The following FRYL variants were observed in gnomAD, a reference collection of about 807,000 sequenced individuals.
FRYL encodes the protein FRY like transcription coactivator, also known as protein furry homolog-like.
Under a neutral mutation model 351.2 loss-of-function variants are expected in FRYL, and 150 were observed. That is an observed-to-expected ratio of 0.43 (90% CI 0.37 to 0.49). The LOEUF is 0.49. Ranked by LOEUF, FRYL falls within the 20% of genes least tolerant of loss-of-function variation. FRYL has a pLI of 0.00. For synonymous variants in FRYL, 1,153 were observed against 1,257.1 expected, an observed-to-expected ratio of 0.92 and a Z score of 1.75; for missense variants, 3,036 against 3,619.3, an observed-to-expected ratio of 0.84 and a Z score of 4.13.
intron 3 of FRYL, among the ~76,000 whole-genome samples, chr4:48,643,948 ATTTT>A (rs879512102): frequency 6.8e-6 from 1 of 147,726 alleles, no homozygotes; most frequent in Non-Finnish European, 1.5e-5. Flanking sequence ...TCCAACTAAA[ATTTT>A]TTTTTTTTGA....
intron 1 of FRYL, among the ~76,000 whole-genome samples, chr4:48,736,057 A>C (rs951413509): frequency 4.6e-5 from 7 of 152,028 alleles, no homozygotes; most frequent in African/African-American, 1.2e-4. Context: ...AATCAATAAC[A>C]GAGAGACAGG....
intron 1 of FRYL, among the ~76,000 whole-genome samples, chr4:48,772,497 A>G (rs1775613770): frequency 6.6e-6 from 1 of 152,198 alleles, no homozygotes; most frequent in African/African-American, 2.4e-5. Flanking sequence ...GTTACACAGG[A>G]ATGTACATTT....
chr4:48,651,725 A>G (rs1055462633), intron 3 of FRYL, among the ~76,000 whole-genome samples: 1 of 152,220 alleles, frequency 6.6e-6, no homozygotes, highest in Admixed American at 6.5e-5. Flanking sequence ...CTAGGAAGAA[A>G]GAGCTAACTA....
chr4:48,696,878 ATCT>A (rs1470639837), intron 2 of FRYL, among the ~76,000 whole-genome samples: 7 of 150,148 alleles, frequency 4.7e-5, no homozygotes, highest in Non-Finnish European at 8.8e-5. Context: ...CTATCTATCT[ATCT>A]ATCTATCTAT....
At chr4:48,779,298 G>C (rs1418829743) in intron 1 of FRYL, among the ~76,000 whole-genome samples, 3 of 152,204 alleles carry the variant, frequency 2.0e-5, no homozygotes, top group Non-Finnish European at 4.4e-5. Context: ...GCTGAGAGCA[G>C]CAGGCAATCT....
chr4:48,605,084 G>A (rs1158930726), intron 11 of FRYL, among the ~76,000 whole-genome samples: 7 of 152,112 alleles, frequency 4.6e-5, no homozygotes, highest in Admixed American at 3.9e-4. Context: ...TTTATAAAAT[G>A]AGCCCAATTC....
chr4:48,533,250 T>C (rs748091343), intron 49 of FRYL, among the ~76,000 whole-genome samples: 4 of 152,040 alleles, frequency 2.6e-5, no homozygotes, highest in Non-Finnish European at 4.4e-5. Context: ...ATGTGAAATA[T>C]AGCAAATATT....
At chr4:48,537,647 A>G (rs1729188319) in intron 47 of FRYL, among the ~76,000 whole-genome samples, 1 of 152,224 alleles carries the variant, frequency 6.6e-6, no homozygotes, top group Non-Finnish European at 1.5e-5. Flanking sequence ...GTCCAACAGG[A>G]AGAAAACAGA....
intron 3 of FRYL, among the ~76,000 whole-genome samples, chr4:48,679,769 C>G (rs1764331185): frequency 6.6e-6 from 1 of 151,934 alleles, no homozygotes; most frequent in Non-Finnish European, 1.5e-5. Flanking sequence ...CTGTAAGTAT[C>G]AAAACATCGC....
At chr4:48,744,459 C>T (rs1772446765) in intron 1 of FRYL, among the ~76,000 whole-genome samples, 1 of 152,152 alleles carries the variant, frequency 6.6e-6, no homozygotes, top group Admixed American at 6.5e-5. Context: ...TTTACTCTTT[C>T]AAAGTCACTG....
chr4:48,606,441 C>T lies in FRYL; in HGVS notation c.738G>A (p.Met246Ile), dbSNP rs1049088253. The T allele has an allele frequency of 4.4e-6, 7 of 1,604,886 alleles. No homozygotes were observed. Among genetic ancestry groups the T allele is most frequent in the Non-Finnish European group, 6.0e-6 (7 of 1,173,116 alleles). Reference protein sequence around the residue: ...VEDFEASFQFMQECAQYFLEV... With the variant: ...VEDFEASFQFIQECAQYFLEV... Reference sequence around the variant, plus strand: ...TGTCATTTAGAAGGTATATCACCTGCATAAATTGAAATGATGCTTCAAAAT... The same window carrying T: ...TGTCATTTAGAAGGTATATCACCTGTATAAATTGAAATGATGCTTCAAAAT... The change falls in exon 10 of 64, where the codon ATG (methionine) becomes ATA (isoleucine). Residue 246 changes from methionine to isoleucine, a missense_variant. Physicochemically the swap from Met to Ile is conservative, Grantham distance 10. Transcript: ENST00000358350.
intron 3 of FRYL, among the ~76,000 whole-genome samples, chr4:48,650,262 C>T (rs1443881357): frequency 6.6e-6 from 1 of 152,150 alleles, no homozygotes; most frequent in Non-Finnish European, 1.5e-5. Context: ...CTACCTTCTT[C>T]TCTATTATAA....
intron 2 of FRYL, among the ~76,000 whole-genome samples, chr4:48,696,817 C>T (rs1429100382): frequency 2.0e-5 from 3 of 150,618 alleles, no homozygotes; most frequent in Non-Finnish European, 3.0e-5. Context: ...AAACATAAGC[C>T]CAGTATAAAA....
At chr4:48,531,409 C>G (rs1560547616) in intron 49 of FRYL, 56 bp from the exon 50 acceptor site, 2 of 1,019,864 alleles carry the variant, frequency 2.0e-6, no homozygotes, top group Non-Finnish European at 3.1e-6. Context: ...CAACTAAGAA[C>G]AACAATTTAC....
At position 48,620,634 on chromosome 4, in the gene FRYL, C is replaced by T. The variant is rs373521667; in HGVS notation, c.314+5G>A. The T allele has an allele frequency of 3.1e-6, 5 of 1,609,984 alleles. No homozygotes were observed. The highest frequency in any genetic ancestry group is 4.2e-6 in the Non-Finnish European group (5 of 1,177,244). On this transcript the variant is annotated splice_donor_5th_base_variant and intron_variant, in intron 6 of 63. Coordinates refer to ENST00000358350, the MANE Select transcript of FRYL (RefSeq NM_015030.2). ...AGGTGAAACAGTGTAAAATAAAGCA[C>T]TTACCCCTTAGACTTTGTGCTAGAC...
intron 23 of FRYL, among the ~76,000 whole-genome samples, chr4:48,576,806 AAAC>A (rs1402819904): frequency 1.3e-5 from 2 of 152,232 alleles, no homozygotes; most frequent in African/African-American, 4.8e-5. Context: ...TGTAGAAAGA[AAAC>A]AAAATCAAAA....
intron 2 of FRYL, among the ~76,000 whole-genome samples, chr4:48,685,891 T>A (rs1765104756): frequency 6.6e-6 from 1 of 152,054 alleles, no homozygotes; most frequent in African/African-American, 2.4e-5. Flanking sequence ...GTAGCTAGGA[T>A]TACAGGTATC....
At chr4:48,643,091 T>TA (rs1755648651) in intron 3 of FRYL, among the ~76,000 whole-genome samples, 1 of 152,214 alleles carries the variant, frequency 6.6e-6, no homozygotes, top group African/African-American at 2.4e-5. Flanking sequence ...TTTTCTCCTC[T>TA]AGCTGGAAAT....
At chr4:48,616,437 A>C (rs1202758945) in intron 7 of FRYL, among the ~76,000 whole-genome samples, 3 of 152,206 alleles carry the variant, frequency 2.0e-5, no homozygotes, top group South Asian at 2.1e-4. Context: ...AGGCGTTATT[A>C]TATTTAATTC....
Sources: allele counts gnomAD v4.1 joint callset (sites outside exome capture counted in the v4.1 genomes callset), GRCh38; gene constraint gnomAD v4.1.1; transcripts MANE v1.5; gene names NCBI Gene and HGNC (gene_info 2026-07-23, HGNC 2026-07-21).